The following LPCAT4 variants were observed in gnomAD, a reference collection of about 807,000 sequenced individuals.
The protein encoded by LPCAT4 is lysophosphatidylcholine acyltransferase 4.
LPCAT4 carries 30 observed loss-of-function variants against 66.5 expected under a neutral mutation model. The observed-to-expected ratio is 0.45, with a 90% CI of 0.34 to 0.61. The LOEUF is 0.61. Ranked by LOEUF, LPCAT4 falls within the 20% of genes least tolerant of loss-of-function variation. The pLI is 0.01. For synonymous variants in LPCAT4, 253 were observed against 262.1 expected (o/e 0.97, Z 0.34); for missense variants, 557 against 656.7 (o/e 0.85, Z 1.66).
At chr15:34,364,415 T>C in intron 3 of LPCAT4, 109 bp from the exon 4 acceptor site, 1 of 609,804 alleles carries the variant, frequency 1.6e-6, no homozygotes, top group Non-Finnish European at 2.8e-6. Flanking sequence ...TTATCTCTTT[T>C]TTTTTTTTTT....
In LPCAT4 at chr15:34,366,981, C is replaced by G. The variant is rs781442747; in HGVS notation, c.114+6G>C. Reference sequence around the variant, plus strand: ...GTCCTTCCGACGCCCGCTCCCCACACATTACCTTAACCCTCTGGAGGCGAG... The same window carrying G: ...GTCCTTCCGACGCCCGCTCCCCACAGATTACCTTAACCCTCTGGAGGCGAG... On this transcript the variant is annotated splice_donor_region_variant and intron_variant, in intron 1 of 13. Coordinates refer to ENST00000314891, the MANE Select transcript of LPCAT4 (RefSeq NM_153613.3). 12 of 1,553,626 alleles carry G rather than the reference C, an allele frequency of 7.7e-6. No homozygotes were observed. Among genetic ancestry groups the G allele is most frequent in the Non-Finnish European group, 8.7e-7 (1 of 1,146,518 alleles).
chr15:34,359,763 TA>T lies in LPCAT4; in HGVS notation c.1243-19del. 6.2e-7 allele frequency: 1 copy of T among 1,604,076 alleles called. No individual in the cohort carries two copies. The highest frequency in any genetic ancestry group is 8.5e-7 in the Non-Finnish European group (1 of 1,175,596). On this transcript the variant is annotated intron_variant, in intron 12 of 13. Transcript: ENST00000314891. ...GCAAAGAGCTTGGGAGAGAAAGGGA[TA>T]AGAGTCAAGTTCTCTCCTCATGCCA... is the stretch of plus-strand genomic sequence containing the variant.
chr15:34,358,949 A>G lies in LPCAT4; in HGVS notation c.*178T>C. On this transcript the variant is annotated 3_prime_UTR_variant, in exon 14 of 14. Coordinates refer to ENST00000314891, the MANE Select transcript of LPCAT4 (RefSeq NM_153613.3). ...TTAATAGATATAGATATAGATTTATATTTATATATAAAATAGTTTTTTACA... is the reference window on the plus strand; with the variant it reads ...TTAATAGATATAGATATAGATTTATGTTTATATATAAAATAGTTTTTTACA... 3.1e-6 allele frequency: 1 copy of G among 325,254 alleles called. No homozygotes were observed. Among genetic ancestry groups the G allele is most frequent in the South Asian group, 8.8e-5 (1 of 11,388 alleles). The allele number at this position is 325,254 out of a possible 1,614,324, so 20.1% of individuals were successfully genotyped here.
In LPCAT4 at chr15:34,363,762, G is replaced by A. The variant is rs773066605; in HGVS notation, c.653-43C>T. The A allele has an allele frequency of 6.2e-7, 1 of 1,607,762 alleles. No homozygotes were observed. The highest frequency in any genetic ancestry group is 8.5e-7 in the Non-Finnish European group (1 of 1,174,280). On this transcript the variant is annotated intron_variant, in intron 5 of 13. Transcript: ENST00000314891. The surrounding 1 kb of genome is among the most constrained non-coding windows in gnomAD (Gnocchi z 4.3). ...CCCCACCCCCACAAGGCAGAGGTTA[G>A]TACACAGAAGTAGCTAGAGGGCATG...
chr15:34,359,655 G>A lies in LPCAT4; in HGVS notation c.1333C>T (p.His445Tyr), dbSNP rs199597632. Residue 445 changes from histidine to tyrosine, a missense_variant, in exon 13 of 14, where the codon CAC becomes TAC. Around this residue, in one of 4 missense-constraint regions of LPCAT4, gnomAD observed 392 missense variants for 473.9 expected, o/e 0.83. Coordinates refer to ENST00000314891, the MANE Select transcript of LPCAT4 (RefSeq NM_153613.3). The part of the protein sequence containing the change: ...TILHLLLGSP[H>Y]PAATALHAEL... ...GCATGCAAAGCTGTGGCAGCAGGGT[G>A]GGGTGAACCCAGCAGCAGGTGCAGG... 789 of 1,613,672 alleles carry A rather than the reference G, an allele frequency of 4.9e-4. No individual in the cohort carries two copies. The highest frequency in any genetic ancestry group is 6.5e-4 in the Non-Finnish European group (762 of 1,180,022).
At position 34,364,953 on chromosome 15, in the gene LPCAT4, A is replaced by G. The variant is rs1226741112; in HGVS notation, c.478+55T>C. On this transcript the variant is annotated intron_variant, in intron 3 of 13. Transcript: ENST00000314891. ...CTTCACTCCAGTGTCTCCATTCCTG[A>G]CTTTTTTTGCCCAGAGTTGTCACCC... is the stretch of plus-strand genomic sequence containing the variant. 12 of 1,489,842 alleles carry G rather than the reference A, an allele frequency of 8.1e-6. No homozygotes were observed. The Admixed American group carries it at 1.1e-4, about 14-fold the overall frequency. The allele number at this position is 1,489,842 out of a possible 1,614,324, so 92.3% of individuals were successfully genotyped here. A position where few individuals can be genotyped will look rare whatever the true frequency, so the allele number is the denominator to read the frequency against.
chr15:34,359,384 C>T, intron 13 of LPCAT4, 82 bp from the exon 14 acceptor site: 1 of 1,392,882 alleles, frequency 7.2e-7, no homozygotes, highest in Non-Finnish European at 9.6e-7. Flanking sequence ...AGAACTAAAA[C>T]ACCTTGTGCC....
In LPCAT4 at chr15:34,359,156, C is replaced by G; in HGVS notation, c.1546G>C (p.Val516Leu). The G allele has an allele frequency of 1.9e-6, 3 of 1,606,868 alleles. No homozygotes were observed. In the South Asian group the frequency reaches 3.4e-5, roughly 18 times the overall value. ...TCTCCCTTCTGCTTGGGTGCTTGCA[C>G]AGTCCCATTGGCCAGAGCAGTGGGG... ...GNPTALANGT[V>L]QAPKQKGD The change falls in exon 14 of 14, where the codon GTG (valine) becomes CTG (leucine). Residue 516 changes from valine (V) to leucine (L), a missense_variant. This residue lies in a region of LPCAT4 where 392 missense variants were observed against 473.9 expected (regional missense o/e 0.83). Coordinates refer to ENST00000314891, the MANE Select transcript of LPCAT4 (RefSeq NM_153613.3).
intron 11 of LPCAT4, 77 bp downstream of exon 11, chr15:34,361,319 GTGAC>G: frequency 6.3e-7 from 1 of 1,582,836 alleles, no homozygotes; most frequent in Non-Finnish European, 8.6e-7. Context: ...CAAACTGTGA[GTGAC>G]TGATACGGCC....
In LPCAT4 at chr15:34,363,079, C is replaced by T. The variant is rs530576835; in HGVS notation, c.747-243G>A. 3.3e-5 allele frequency among the ~76,000 whole-genome samples: 5 copies of T among 151,964 alleles called. No homozygotes were observed. The highest frequency in any genetic ancestry group is 3.3e-4 in the Admixed American group (5 of 15,266). On this transcript the variant is annotated intron_variant, in intron 7 of 13. Coordinates refer to ENST00000314891, the MANE Select transcript of LPCAT4 (RefSeq NM_153613.3). This position sits in a 1 kb window ranked among gnomAD's most constrained non-coding sequence, Gnocchi z 4.3. ...CTGCATGGATATGCCAGAGGAAGAA[C>T]TGTAGGCAAGAGGAGGTTTGAGTAA...
chr15:34,360,101 C>T lies in LPCAT4; in HGVS notation c.1242+10G>A. On this transcript the variant is annotated intron_variant, in intron 12 of 13. Transcript: ENST00000314891. The stretch of plus-strand genomic sequence containing the variant: ...ACTAAGCACCCCCCACCACCGCCAC[C>T]CCCCATTACCTCAAAGGCCAGACGA... The T allele has an allele frequency of 1.3e-6, 2 of 1,598,132 alleles. No homozygotes were observed. The highest frequency in any genetic ancestry group is 8.6e-7 in the Non-Finnish European group (1 of 1,166,418).
chr15:34,362,910 C>A, intron 7 of LPCAT4, 74 bp from the exon 8 acceptor site: 1 of 1,466,780 alleles, frequency 6.8e-7, no homozygotes, highest in Non-Finnish European at 9.4e-7. Flanking sequence ...CACCCCACTC[C>A]CCTTCCCCAA....
At chr15:34,365,765 T>C in intron 1 of LPCAT4, 64 bp from the exon 2 acceptor site, 8 of 1,573,028 alleles carry the variant, frequency 5.1e-6, no homozygotes, top group Non-Finnish European at 6.9e-6. Context: ...AGCATCCTTC[T>C]TCCACAAAGC....
intron 12 of LPCAT4, 68 bp from the exon 13 acceptor site, chr15:34,359,813 T>G: frequency 6.7e-7 from 1 of 1,490,012 alleles, no homozygotes; most frequent in Non-Finnish European, 9.0e-7. Flanking sequence ...CCCCACAGAC[T>G]GGCCTGACAG....
At chr15:34,362,458 A>T (rs1890969431) in intron 9 of LPCAT4, 115 bp downstream of exon 9, 1 of 1,404,868 alleles carries the variant, frequency 7.1e-7, no homozygotes, top group Non-Finnish European at 9.7e-7. Flanking sequence ...GCTGTTCAAG[A>T]GCCCTTCCCA....
In LPCAT4 at chr15:34,363,425, C is replaced by A; in HGVS notation, c.743G>T (p.Gly248Val). ...CCCCAGGAATACCAGAACTCACACT[C>A]CAGGACCCCTCCATGCCCAGCTGGT... ...DTTSWAWRGPGVLKVLWLTAS... is the reference protein window; with the variant it reads ...DTTSWAWRGPVVLKVLWLTAS... Residue 248 changes from glycine to valine, a missense_variant, in exon 7 of 14, where the codon GGA (glycine) becomes GTA (valine). Gly to Val is a moderately radical substitution (Grantham distance 109, BLOSUM62 -3). Around this residue, in one of 4 missense-constraint regions of LPCAT4, gnomAD observed 392 missense variants for 473.9 expected, o/e 0.83. Transcript: ENST00000314891. The surrounding 1 kb of genome is among the most constrained non-coding windows in gnomAD (Gnocchi z 4.3). 1.2e-6 allele frequency: 2 copies of A among 1,613,964 alleles called. No individual in the cohort carries two copies. The highest frequency in any genetic ancestry group is 1.7e-6 in the Non-Finnish European group (2 of 1,179,956).
rs757481611 is a variant in LPCAT4, at chr15:34,364,087, G to C, written c.592-14C>G. 1 of 1,611,544 alleles carries C rather than the reference G, an allele frequency of 6.2e-7. No individual in the cohort carries two copies. The highest frequency in any genetic ancestry group is 1.3e-5 in the African/African-American group (1 of 74,872). On this transcript the variant is annotated splice_polypyrimidine_tract_variant and intron_variant, in intron 4 of 13. Transcript: ENST00000314891. Reference sequence around the variant, plus strand: ...AAAGAATAGCACCTGGGGTAAAAAAGAGCAGAATGAGGTGAAGAAGACTGA... The same window carrying C: ...AAAGAATAGCACCTGGGGTAAAAAACAGCAGAATGAGGTGAAGAAGACTGA...
chr15:34,360,096 G>T lies in LPCAT4; in HGVS notation c.1242+15C>A. On this transcript the variant is annotated intron_variant, in intron 12 of 13. Transcript: ENST00000314891. ...TAGCCACTAAGCACCCCCCACCACC[G>T]CCACCCCCCATTACCTCAAAGGCCA... 1.9e-6 allele frequency: 3 copies of T among 1,562,080 alleles called. No homozygotes were observed. The highest frequency in any genetic ancestry group is 1.1e-5 in the South Asian group (1 of 88,342).
At position 34,364,253 on chromosome 15, in the gene LPCAT4, G is replaced by A. The variant is rs1455314578; in HGVS notation, c.532C>T (p.Arg178Ter). 1.2e-6 allele frequency: 2 copies of A among 1,613,934 alleles called. No homozygotes were observed. Among genetic ancestry groups the A allele is most frequent in the Non-Finnish European group, 1.7e-6 (2 of 1,179,954 alleles). The change falls in exon 4 of 14, where the codon CGA becomes TGA. Residue 178 changes from arginine to a stop codon, truncating the protein, a stop_gained. Coordinates refer to ENST00000314891, the MANE Select transcript of LPCAT4 (RefSeq NM_153613.3). LOFTEE classifies it high-confidence loss of function. ...ILVSRHDPAS[R>*]RRVVEEVRRR... ...CGGACCTCCTCCACCACTCTGCGTC[G>A]AGAAGCCGGGTCATGCCGGGATACC...
Sources: allele counts gnomAD v4.1 joint callset (sites outside exome capture counted in the v4.1 genomes callset), GRCh38; gene constraint gnomAD v4.1.1; regional missense constraint gnomAD v4.1.1; non-coding constraint Gnocchi (gnomAD v3.1); transcripts MANE v1.5; gene names NCBI Gene and HGNC (gene_info 2026-07-23, HGNC 2026-07-21).